The following UTRN variants were observed in gnomAD, a reference collection of about 807,000 sequenced individuals.
The protein encoded by UTRN is dystrophin-related protein 1.
Under a neutral mutation model 463.9 loss-of-function variants are expected in UTRN, and 283 were observed. The ratio of observed to expected loss-of-function variants is 0.61; its 90% CI spans 0.55 to 0.67. UTRN has a LOEUF of 0.67. Ranked by LOEUF, UTRN falls within the 30% of genes least tolerant of loss-of-function variation. UTRN has a pLI of 0.00. For missense variants in UTRN, 3,922 were observed against 4,084.3 expected (o/e 0.96, Z 1.08); for synonymous variants, 1,442 against 1,431.5 (o/e 1.01, Z -0.17).
At chr6:144,561,919 G>T (rs1008538125) in intron 50 of UTRN, among the ~76,000 whole-genome samples, 1 of 152,078 alleles carries the variant, frequency 6.6e-6, no homozygotes, top group Non-Finnish European at 1.5e-5. Flanking sequence ...TTAGCAGAAG[G>T]TTGAGTCATT....
At chr6:144,761,364 T>C (rs1339615200) in intron 58 of UTRN, among the ~76,000 whole-genome samples, 1 of 152,112 alleles carries the variant, frequency 6.6e-6, no homozygotes, top group Non-Finnish European at 1.5e-5. Context: ...TTTAAGAACA[T>C]TTAAAATGGG....
intron 51 of UTRN, among the ~76,000 whole-genome samples, chr6:144,597,834 A>G (rs1803816412): frequency 6.6e-6 from 1 of 152,194 alleles, no homozygotes; most frequent in African/African-American, 2.4e-5. Context: ...GTGCTTTATA[A>G]TTTGACTTAA....
chr6:144,655,636 C>G (rs1779245179), intron 51 of UTRN, among the ~76,000 whole-genome samples: 1 of 152,050 alleles, frequency 6.6e-6, no homozygotes, highest in African/African-American at 2.4e-5. Flanking sequence ...TTCTTCTTTT[C>G]TTTTCTTTTT....
intron 53 of UTRN, among the ~76,000 whole-genome samples, chr6:144,717,327 A>G (rs1007448196): frequency 3.9e-5 from 6 of 152,240 alleles, no homozygotes; most frequent in African/African-American, 1.2e-4. Flanking sequence ...AGTCATGCCT[A>G]GAAGGATAGG....
At chr6:144,609,524 C>G (rs1293091843) in intron 51 of UTRN, among the ~76,000 whole-genome samples, 1 of 152,166 alleles carries the variant, frequency 6.6e-6, no homozygotes, top group African/African-American at 2.4e-5. Context: ...GAACAGTGGA[C>G]AGATTATCCA....
intron 39 of UTRN, among the ~76,000 whole-genome samples, chr6:144,520,485 C>A (rs545140504): frequency 2.6e-5 from 4 of 152,100 alleles, no homozygotes; most frequent in African/African-American, 9.7e-5. Flanking sequence ...TTTAAACTTG[C>A]GGCATTAGGA....
intron 23 of UTRN, among the ~76,000 whole-genome samples, chr6:144,468,151 A>G (rs918301156): frequency 2.0e-5 from 3 of 152,108 alleles, no homozygotes; most frequent in Admixed American, 6.5e-5. Context: ...GTACCTTGCA[A>G]TCTTACTGTC....
At chr6:144,741,730 A>C (rs1790115677) in intron 54 of UTRN, among the ~76,000 whole-genome samples, 1 of 152,162 alleles carries the variant, frequency 6.6e-6, no homozygotes, top group Admixed American at 6.5e-5. Flanking sequence ...TTGCTTAGCG[A>C]GGCCCTGGTT....
intron 3 of UTRN, among the ~76,000 whole-genome samples, chr6:144,412,325 T>C (rs527405613): frequency 1.3e-5 from 2 of 152,306 alleles, no homozygotes; most frequent in Admixed American, 6.5e-5. Context: ...CATTTTGTTG[T>C]ATAATGGTTT....
chr6:144,793,586 G>A (rs557299827), intron 62 of UTRN, among the ~76,000 whole-genome samples: 36 of 152,114 alleles, frequency 2.4e-4, no homozygotes, highest in Non-Finnish European at 5.3e-4. Context: ...ATGTTTATAT[G>A]TATACATAAC....
chr6:144,787,706 G>A (rs968365010), intron 61 of UTRN, among the ~76,000 whole-genome samples: 1 of 152,108 alleles, frequency 6.6e-6, no homozygotes, highest in East Asian at 1.9e-4. Context: ...AGTTTGGCAA[G>A]AAGACTGCTT....
intron 39 of UTRN, 83 bp downstream of exon 39, chr6:144,517,031 T>C: frequency 1.6e-6 from 2 of 1,246,060 alleles, no homozygotes; most frequent in Non-Finnish European, 1.0e-6. Flanking sequence ...GCATCACAGA[T>C]GCTTTAAAAC....
At chr6:144,360,101 C>T (rs1233028661) in intron 2 of UTRN, among the ~76,000 whole-genome samples, 3 of 117,996 alleles carry the variant, frequency 2.5e-5, no homozygotes, top group African/African-American at 1.2e-4. Flanking sequence ...CCTCCCCTCC[C>T]CTCCCCTCCC....
chr6:144,546,831 C>T (rs552961439), intron 46 of UTRN, among the ~76,000 whole-genome samples: 2 of 152,058 alleles, frequency 1.3e-5, no homozygotes, highest in South Asian at 4.2e-4. Flanking sequence ...AACAAACAAA[C>T]AAACAAACAA....
At chr6:144,575,411 T>C (rs1024144801) in intron 50 of UTRN, among the ~76,000 whole-genome samples, 1 of 152,136 alleles carries the variant, frequency 6.6e-6, no homozygotes, top group African/African-American at 2.4e-5. Flanking sequence ...GATGAATGGA[T>C]GGACAGAGAG....
Position 144,516,820 on chromosome 6 carries a change from G to C in UTRN, c.5413G>C (p.Glu1805Gln). 1 of 1,477,952 alleles carries C rather than the reference G, an allele frequency of 6.8e-7. No homozygotes were observed. The highest frequency in any genetic ancestry group is 8.9e-7 in the Non-Finnish European group (1 of 1,119,064). 91.6% of individuals were successfully genotyped at this position (1,477,952 alleles called of 1,614,324 possible). ...CCTTTTAAAAATTTAGATGGATGAGGAGAGTGCCCAGATTGAGGAAGTTCT... is the reference window on the plus strand; with the variant it reads ...CCTTTTAAAAATTTAGATGGATGAGCAGAGTGCCCAGATTGAGGAAGTTCT... ...SSDEDEKMDE[E>Q]SAQIEEVLQR... The change falls in exon 39 of 75, where the codon GAG (glutamate) becomes CAG (glutamine). Residue 1805 changes from glutamate to glutamine, a missense_variant. Around this residue, in one of 3 missense-constraint regions of UTRN, gnomAD observed 2,349 missense variants for 2,303.8 expected, o/e 1.02. Transcript: ENST00000367545.
chr6:144,766,234 G>C (rs1793324879), intron 58 of UTRN, among the ~76,000 whole-genome samples: 1 of 152,060 alleles, frequency 6.6e-6, no homozygotes, highest in Non-Finnish European at 1.5e-5. Context: ...AACAAGGACT[G>C]AAAAGATTAT....
rs1554359945 is a variant in UTRN, at chr6:144,732,241, TATATATATATATATATAC to T, written c.7939+1757_7939+1774del. Among the ~76,000 whole-genome samples, 158 of 23,898 alleles carry T rather than the reference TATATATATATATATATAC, an allele frequency of 6.6e-3. 3 individuals are homozygous for T. The highest frequency in any genetic ancestry group is 0.013 in the African/African-American group (93 of 7,402). The allele number at this position is 23,898 out of a possible 152,430, so 15.7% of individuals were successfully genotyped here. Reference sequence around the variant, plus strand: ...ATATATATATATATATATATATACATATATATATATATATATACACACATATATATATATATACACACA... The same window carrying T: ...ATATATATATATATATATATATACATACACATATATATATATATACACACA... On this transcript the variant is annotated intron_variant, in intron 54 of 74. Coordinates refer to ENST00000367545, the MANE Select transcript of UTRN (RefSeq NM_007124.3).
chr6:144,486,192 G>A (rs1051007594), intron 28 of UTRN, among the ~76,000 whole-genome samples: 1 of 152,232 alleles, frequency 6.6e-6, no homozygotes, highest in Admixed American at 6.5e-5. Flanking sequence ...TGGGAACTGA[G>A]TGGACAACTG....
Sources: allele counts gnomAD v4.1 joint callset (sites outside exome capture counted in the v4.1 genomes callset), GRCh38; gene constraint gnomAD v4.1.1; regional missense constraint gnomAD v4.1.1; transcripts MANE v1.5; gene names NCBI Gene and HGNC (gene_info 2026-07-23, HGNC 2026-07-21).